CNTN5: variants seen among roughly 807,000 people sequenced by gnomAD.
The protein encoded by CNTN5 is contactin-5.
In CNTN5, 77 loss-of-function variants were observed where a neutral mutation model predicts 129.1. That is an observed-to-expected ratio of 0.60 (90% CI 0.50 to 0.72). CNTN5 has a LOEUF of 0.72. Among genes scored for constraint, CNTN5 ranks in the 30% least tolerant of loss-of-function variants. The probability of loss-of-function intolerance (pLI) is 0.00; values close to 1 mark genes in which losing one functional copy is unlikely to be tolerated. For missense variants in CNTN5, 1,478 were observed against 1,328.8 expected (o/e 1.11, Z -1.75); for synonymous variants, 509 against 465.6 (o/e 1.09, Z -1.20).
At chr11:99,833,891 A>G (rs1212760314) in intron 4 of CNTN5, among the ~76,000 whole-genome samples, 1 of 152,084 alleles carries the variant, frequency 6.6e-6, no homozygotes, top group Non-Finnish European at 1.5e-5. Flanking sequence ...TGTTTCAGAC[A>G]TTTGTGGGGG....
Position 99,658,748 on chromosome 11 carries a change from C to T in CNTN5, c.55+102479C>T, listed in dbSNP as rs373346760. On this transcript the variant is annotated intron_variant, in intron 3 of 24. Coordinates refer to ENST00000524871, the MANE Select transcript of CNTN5 (RefSeq NM_014361.4). Reference sequence around the variant, plus strand: ...ATATATATATATAAAATTAGCCAGGCGCGGTGGCACATGCCTGTAATCCCA... The same window carrying T: ...ATATATATATATAAAATTAGCCAGGTGCGGTGGCACATGCCTGTAATCCCA... Among the ~76,000 whole-genome samples the T allele has an allele frequency of 1.6e-3, 234 of 149,298 alleles. 1 individual carries two copies. Among genetic ancestry groups the T allele is most frequent in the African/African-American group, 4.9e-3 (201 of 40,872 alleles).
intron 2 of CNTN5, among the ~76,000 whole-genome samples, chr11:99,448,370 T>A (rs1199285951): frequency 1.3e-5 from 2 of 152,228 alleles, no homozygotes; most frequent in Non-Finnish European, 2.9e-5. Flanking sequence ...AAACTGTCAA[T>A]ACATTCTGCT....
At chr11:99,460,150 T>A (rs1014693738) in intron 2 of CNTN5, among the ~76,000 whole-genome samples, 1 of 151,714 alleles carries the variant, frequency 6.6e-6, no homozygotes, top group Non-Finnish European at 1.5e-5. Flanking sequence ...AACCAGGACA[T>A]GCAAACATCA....
At chr11:100,045,202 A>G (rs1386332128) in intron 9 of CNTN5, among the ~76,000 whole-genome samples, 2 of 152,136 alleles carry the variant, frequency 1.3e-5, no homozygotes, top group East Asian at 1.9e-4. Flanking sequence ...ATTCCAGCCA[A>G]GTAAATAAAG....
At position 99,973,258 on chromosome 11, in the gene CNTN5, CTG is replaced by C. The variant is rs761927978; in HGVS notation, c.877+16250_877+16251del. Among the ~76,000 whole-genome samples, 3 of 152,254 alleles carry C rather than the reference CTG, an allele frequency of 2.0e-5. No homozygotes were observed. In the South Asian group the frequency reaches 6.2e-4, roughly 32 times the overall value. ...TATCTCAATTAGTAACTGTGGCTCTCTGGGGATTTTCAGGTGGTCGCAGTATT... is the reference window on the plus strand; with the variant it reads ...TATCTCAATTAGTAACTGTGGCTCTCGGGATTTTCAGGTGGTCGCAGTATT... On this transcript the variant is annotated intron_variant, in intron 8 of 24. Transcript: ENST00000524871.
At chr11:99,413,490 G>A (rs1390452872) in intron 2 of CNTN5, among the ~76,000 whole-genome samples, 1 of 151,942 alleles carries the variant, frequency 6.6e-6, no homozygotes, top group Admixed American at 6.6e-5. Flanking sequence ...GTGGTGGTGG[G>A]CACCTGTAAT....
At chr11:100,296,687 T>C (rs1325155828) in intron 18 of CNTN5, among the ~76,000 whole-genome samples, 1 of 151,620 alleles carries the variant, frequency 6.6e-6, no homozygotes, top group Non-Finnish European at 1.5e-5. Context: ...ATTTGTTTTC[T>C]TCCTTTCCAG....
At chr11:100,167,526 T>C (rs1212148269) in intron 13 of CNTN5, among the ~76,000 whole-genome samples, 1 of 151,832 alleles carries the variant, frequency 6.6e-6, no homozygotes, top group African/African-American at 2.4e-5. Context: ...TATTTGAGCT[T>C]TTAATATAAT....
At chr11:99,634,624 C>T (rs547504026) in intron 3 of CNTN5, among the ~76,000 whole-genome samples, 18 of 152,266 alleles carry the variant, frequency 1.2e-4, no homozygotes, top group Admixed American at 7.9e-4. Flanking sequence ...GTTAGTCTCT[C>T]TTAGTCTAAT....
chr11:99,654,174 A>G (rs1381465154), intron 3 of CNTN5, among the ~76,000 whole-genome samples: 2 of 152,146 alleles, frequency 1.3e-5, no homozygotes, highest in Non-Finnish European at 2.9e-5. Context: ...TTCAAACAGC[A>G]CTGCCTGAAC....
intron 8 of CNTN5, among the ~76,000 whole-genome samples, chr11:99,986,991 AT>A (rs1211010992): frequency 6.6e-6 from 1 of 152,172 alleles, no homozygotes; most frequent in African/African-American, 2.4e-5. Flanking sequence ...AATGTGTTTT[AT>A]TTTTTAAAAT....
chr11:99,955,516 T>C (rs570660348), intron 7 of CNTN5, among the ~76,000 whole-genome samples: 2 of 152,298 alleles, frequency 1.3e-5, no homozygotes, highest in African/African-American at 4.8e-5. Flanking sequence ...TATGCATTAA[T>C]GCAATACAAC....
Position 99,129,988 on chromosome 11 carries a change from G to T in CNTN5, c.-210+108718G>T, listed in dbSNP as rs189033130. 8.4e-3 allele frequency among the ~76,000 whole-genome samples: 1,286 copies of T among 152,194 alleles called. 21 individuals are homozygous for T. Among genetic ancestry groups the T allele is most frequent in the African/African-American group, 0.029 (1,192 of 41,504 alleles). On this transcript the variant is annotated intron_variant, in intron 1 of 24. Transcript: ENST00000524871. The stretch of plus-strand genomic sequence containing the variant: ...GCACTAAGCATGAAAAGGAGAAAGT[G>T]TTACCAGCCACTACAGAAACACACT...
intron 9 of CNTN5, among the ~76,000 whole-genome samples, chr11:100,057,230 A>G (rs997851160): frequency 2.0e-5 from 3 of 148,040 alleles, no homozygotes; most frequent in Non-Finnish European, 4.5e-5. Context: ...AAGTATAAGT[A>G]TATACATTAT....
At chr11:99,673,971 C>G (rs372239740) in intron 3 of CNTN5, among the ~76,000 whole-genome samples, 1 of 152,064 alleles carries the variant, frequency 6.6e-6, no homozygotes, top group African/African-American at 2.4e-5. Context: ...GGGTATATAT[C>G]CAATAATGGG....
At chr11:99,792,312 G>A (rs1945774543) in intron 3 of CNTN5, among the ~76,000 whole-genome samples, 1 of 152,114 alleles carries the variant, frequency 6.6e-6, no homozygotes, top group Non-Finnish European at 1.5e-5. Flanking sequence ...AGGAAGGGAT[G>A]TTGAAATTTA....
chr11:100,095,078 C>G (rs1398791773), intron 13 of CNTN5, among the ~76,000 whole-genome samples: 1 of 152,138 alleles, frequency 6.6e-6, no homozygotes, highest in African/African-American at 2.4e-5. Context: ...AGCACGATTT[C>G]TCCACTTTGC....
At chr11:99,607,757 T>A (rs1184443396) in intron 3 of CNTN5, among the ~76,000 whole-genome samples, 1 of 125,486 alleles carries the variant, frequency 8.0e-6, no homozygotes, top group African/African-American at 2.8e-5. Flanking sequence ...CACCATGGAA[T>A]ACTATGCAGC....
intron 1 of CNTN5, among the ~76,000 whole-genome samples, chr11:99,176,273 A>G (rs757227686): frequency 6.6e-6 from 1 of 151,986 alleles, no homozygotes; most frequent in Non-Finnish European, 1.5e-5. Context: ...AGAGACATTG[A>G]AGACTTTCAG....
Sources: gnomAD v4.1 joint callset for allele counts (sites outside exome capture counted in the v4.1 genomes callset) on GRCh38, gnomAD v4.1.1 for gene constraint, MANE v1.5 for transcripts, NCBI Gene and HGNC (gene_info 2026-07-23, HGNC 2026-07-21) for gene names.